ACTN1: variants seen among roughly 807,000 people sequenced by gnomAD.
ACTN1 encodes the protein actinin alpha 1.
In ACTN1, 30 loss-of-function variants were observed where a neutral mutation model predicts 119.6. That is an observed-to-expected ratio of 0.25 (90% CI 0.19 to 0.34). The LOEUF is 0.34. Among genes scored for constraint, ACTN1 ranks in the 10% least tolerant of loss-of-function variants. ACTN1 has a pLI of 1.00. For missense variants in ACTN1, 764 were observed against 1,223.4 expected, an observed-to-expected ratio of 0.62 and a Z score of 5.60; for synonymous variants, 429 against 472.6, an observed-to-expected ratio of 0.91 and a Z score of 1.20.
chr14:68,945,762 C>T (rs1298608857), intron 1 of ACTN1, among the ~76,000 whole-genome samples: 3 of 152,210 alleles, frequency 2.0e-5, no homozygotes, highest in Admixed American at 1.3e-4. Flanking sequence ...TGCACCCATA[C>T]TCCCTGCCTG....
chr14:68,972,558 C>T (rs1303421579), intron 1 of ACTN1, among the ~76,000 whole-genome samples: 3 of 152,326 alleles, frequency 2.0e-5, no homozygotes, highest in African/African-American at 4.8e-5. Context: ...AGTGGTTTCA[C>T]GTATATTTGT....
chr14:68,885,331 C>CCA lies in ACTN1; in HGVS notation c.1385+93_1385+94insTG. On this transcript the variant is annotated intron_variant, in intron 12 of 21. Coordinates refer to ENST00000394419, the MANE Select transcript of ACTN1 (RefSeq NM_001130004.2). The surrounding 1 kb of genome is among the most constrained non-coding windows in gnomAD (Gnocchi z 5.6). ...GGCACCCACCTGTACCCACCCTCCC[C>CCA]ATCTTCCACGGCCACACCCCCACCT... 1 of 1,443,930 alleles carries CCA rather than the reference C, an allele frequency of 6.9e-7. No individual in the cohort carries two copies. The highest frequency in any genetic ancestry group is 9.2e-7 in the Non-Finnish European group (1 of 1,087,152). 89.4% of individuals were successfully genotyped at this position (1,443,930 alleles called of 1,614,324 possible).
At chr14:68,942,005 G>A (rs2035775960) in intron 1 of ACTN1, among the ~76,000 whole-genome samples, 1 of 152,070 alleles carries the variant, frequency 6.6e-6, no homozygotes, top group Non-Finnish European at 1.5e-5. Context: ...ACTTTGCAAA[G>A]GAATTCTCAA....
intron 8 of ACTN1, among the ~76,000 whole-genome samples, chr14:68,899,294 T>TCACACCCACAGCACAC (rs2033131430): frequency 8.2e-6 from 1 of 121,842 alleles, no homozygotes; most frequent in Non-Finnish European, 1.7e-5. Flanking sequence ...CAAACACACC[T>TCACACCCACAGCACAC]CACACCCACA....
chr14:68,939,511 C>A (rs754019692), intron 1 of ACTN1, among the ~76,000 whole-genome samples: 7 of 152,196 alleles, frequency 4.6e-5, no homozygotes, highest in Admixed American at 6.5e-5. Context: ...GCTATGTGAG[C>A]TAGTGCAAAG....
At chr14:68,977,736 G>T in intron 1 of ACTN1, 6 of 314,290 alleles carry the variant, frequency 1.9e-5, no homozygotes, top group South Asian at 1.2e-4. Context: ...TACCATTTTT[G>T]GACATGAGCG....
intron 1 of ACTN1, among the ~76,000 whole-genome samples, chr14:68,943,189 T>C (rs1566661714): frequency 1.3e-5 from 2 of 152,132 alleles, no homozygotes; most frequent in Non-Finnish European, 2.9e-5. Context: ...CACCTTGGTA[T>C]GGCCAGCCCG....
At chr14:68,903,938 G>A (rs1447199500) in intron 7 of ACTN1, among the ~76,000 whole-genome samples, 5 of 152,034 alleles carry the variant, frequency 3.3e-5, no homozygotes, top group Non-Finnish European at 7.4e-5. Flanking sequence ...TTCTAGTGTC[G>A]AACCCTGAAC....
At chr14:68,973,934 T>C (rs2036978312) in intron 1 of ACTN1, 2 of 152,192 alleles carry the variant, frequency 1.3e-5, no homozygotes, top group Non-Finnish European at 1.5e-5. Flanking sequence ...GCCCAAACCA[T>C]CTCAGCTGGT....
At chr14:68,939,301 C>G (rs1469654811) in intron 1 of ACTN1, among the ~76,000 whole-genome samples, 1 of 152,220 alleles carries the variant, frequency 6.6e-6, no homozygotes, top group African/African-American at 2.4e-5. Flanking sequence ...TCCACAGCCT[C>G]ACCCCTCCCA....
chr14:68,971,333 T>C (rs2036877979), intron 1 of ACTN1, among the ~76,000 whole-genome samples: 1 of 152,136 alleles, frequency 6.6e-6, no homozygotes, highest in Non-Finnish European at 1.5e-5. Context: ...AGTTAATAAG[T>C]ACTGGTTGGT....
chr14:68,922,324 C>T (rs1039008199), intron 2 of ACTN1, among the ~76,000 whole-genome samples: 13 of 152,246 alleles, frequency 8.5e-5, no homozygotes, highest in Non-Finnish European at 1.5e-4. Flanking sequence ...AGACGGCAGA[C>T]TTCCTGCCAC....
rs761103560 is a variant in ACTN1, at chr14:68,880,799, G to C, written c.2133+11C>G. The C allele has an allele frequency of 6.8e-6, 11 of 1,613,280 alleles. No individual in the cohort carries two copies. The East Asian group carries it at 2.5e-4, about 36-fold the overall frequency. On this transcript the variant is annotated intron_variant, in intron 17 of 21. Transcript: ENST00000394419. The surrounding 1 kb of genome is among the most constrained non-coding windows in gnomAD (Gnocchi z 4.6). ...GGGCTCCCGAAGAGGAACAAGGCCA[G>C]CCCCACCCACCTCCATGGTGTAGTT...
At position 68,882,097 on chromosome 14, in the gene ACTN1, G is replaced by C. The variant is rs1330657477; in HGVS notation, c.1953+361C>G. On this transcript the variant is annotated intron_variant, in intron 16 of 21. Coordinates refer to ENST00000394419, the MANE Select transcript of ACTN1 (RefSeq NM_001130004.2). This position sits in a 1 kb window ranked among gnomAD's most constrained non-coding sequence, Gnocchi z 4.5. ...ATTATAGGCACGCATCATCACACCCGGCTGATTTTTGTATTTTTAGTAGAG... is the reference window on the plus strand; with the variant it reads ...ATTATAGGCACGCATCATCACACCCCGCTGATTTTTGTATTTTTAGTAGAG... Among the ~76,000 whole-genome samples the C allele has an allele frequency of 6.6e-6, 1 of 151,960 alleles. No homozygotes were observed. The highest frequency in any genetic ancestry group is 1.9e-4 in the East Asian group (1 of 5,154).
intron 3 of ACTN1, among the ~76,000 whole-genome samples, chr14:68,917,271 C>T (rs1305351356): frequency 1.3e-5 from 2 of 152,206 alleles, no homozygotes; most frequent in Non-Finnish European, 2.9e-5. Flanking sequence ...GGACAGGGAA[C>T]TCATAACCCT....
rs749558617 is a variant in ACTN1, at chr14:68,874,842, C to T, written c.*17G>A. ...CAGGGCACGGCGCACAAGACGAGGG[C>T]GGCCGGGCGGGGTGGATTAGAGGTC... On this transcript the variant is annotated 3_prime_UTR_variant, in exon 22 of 22. Coordinates refer to ENST00000394419, the MANE Select transcript of ACTN1 (RefSeq NM_001130004.2). The T allele has an allele frequency of 2.6e-6, 4 of 1,551,512 alleles. No homozygotes were observed. Among genetic ancestry groups the T allele is most frequent in the South Asian group, 2.4e-5 (2 of 82,658 alleles).
chr14:68,894,740 C>T lies in ACTN1; in HGVS notation c.763-993G>A, dbSNP rs189783303. Among the ~76,000 whole-genome samples the T allele has an allele frequency of 2.6e-5, 4 of 152,214 alleles. No individual in the cohort carries two copies. The East Asian group carries it at 7.7e-4, about 29-fold the overall frequency. ...TGATATCTGTGAGAAGACAGACATG[C>T]ATCCTGAGACCCTGGAGAAGGGTGC... On this transcript the variant is annotated intron_variant, in intron 8 of 21. Transcript: ENST00000394419.
At chr14:68,901,678 G>A (rs2033345949) in intron 8 of ACTN1, among the ~76,000 whole-genome samples, 1 of 152,236 alleles carries the variant, frequency 6.6e-6, no homozygotes, top group Non-Finnish European at 1.5e-5. Context: ...AGGTCTGGGG[G>A]AGGGGTGTAT....
chr14:68,881,955 T>TTTTTTTTTTA (rs58500225), intron 16 of ACTN1, among the ~76,000 whole-genome samples: 4 of 103,002 alleles, frequency 3.9e-5, no homozygotes, highest in Admixed American at 1.1e-4. Flanking sequence ...TTTTTTTTTT[T>TTTTTTTTTTA]GACAGAGTCT....
Sources: gnomAD v4.1 joint callset for allele counts (sites outside exome capture counted in the v4.1 genomes callset) on GRCh38, gnomAD v4.1.1 for gene constraint, Gnocchi (gnomAD v3.1) non-coding constraint, MANE v1.5 for transcripts, NCBI Gene and HGNC (gene_info 2026-07-23, HGNC 2026-07-21) for gene names.